Variants in GPC5 observed in about 807,000 individuals in gnomAD.
GPC5 encodes glypican 5, also known as glypican-5.
A neutral mutation model predicts 53.9 loss-of-function variants in GPC5; 47 were observed. The ratio of observed to expected loss-of-function variants is 0.87; its 90% CI spans 0.69 to 1.11. The LOEUF is 1.11. Ranked by LOEUF, GPC5 falls within the 50% of genes most tolerant of loss-of-function variation. The probability of loss-of-function intolerance (pLI) is 0.00; values close to 1 mark genes in which losing one functional copy is unlikely to be tolerated. For synonymous variants in GPC5, 286 were observed against 263.3 expected, an observed-to-expected ratio of 1.09 and a Z score of -0.84; for missense variants, 748 against 713.1, an observed-to-expected ratio of 1.05 and a Z score of -0.56.
chr13:92,076,530 T>C (rs2041253602), intron 6 of GPC5, among the ~76,000 whole-genome samples: 1 of 151,906 alleles, frequency 6.6e-6, no homozygotes, highest in Admixed American at 6.6e-5. Flanking sequence ...TGGTAGCTCA[T>C]TGTTTTGCAA....
Position 91,557,223 on chromosome 13 carries a change from C to A in GPC5, c.325+108301C>A, listed in dbSNP as rs149093124. Among the ~76,000 whole-genome samples, 345 of 152,172 alleles carry A rather than the reference C, an allele frequency of 2.3e-3. 2 individuals carry two copies. Among genetic ancestry groups the A allele is most frequent in the African/African-American group, 7.9e-3 (330 of 41,544 alleles). On this transcript the variant is annotated intron_variant, in intron 2 of 7. Coordinates refer to ENST00000377067, the MANE Select transcript of GPC5 (RefSeq NM_004466.6). ...ATCCTCGCCATCATTTCCTGCTGCT[C>A]CAATTTTTCACTTTGGCTGTTCTGA...
In GPC5 at chr13:92,047,276, T is replaced by G. The variant is rs139224769; in HGVS notation, c.1402-97554T>G. 4.6e-5 allele frequency among the ~76,000 whole-genome samples: 7 copies of G among 152,174 alleles called. No individual in the cohort carries two copies. In the East Asian group the frequency reaches 1.4e-3, roughly 29 times the overall value. On this transcript the variant is annotated intron_variant, in intron 6 of 7. Coordinates refer to ENST00000377067, the MANE Select transcript of GPC5 (RefSeq NM_004466.6). ...GATTGCAAAAACAACATTAATTAAATCATCTTAGATCTGAATTCTCAGTTG... is the reference window on the plus strand; with the variant it reads ...GATTGCAAAAACAACATTAATTAAAGCATCTTAGATCTGAATTCTCAGTTG...
intron 7 of GPC5, chr13:92,241,167 G>A (rs2042609116): frequency 6.6e-6 from 1 of 151,918 alleles, no homozygotes. Context: ...CAGAATTATT[G>A]GTGCAGAATC....
intron 7 of GPC5, among the ~76,000 whole-genome samples, chr13:92,281,768 A>T (rs1051351233): frequency 5.9e-5 from 9 of 152,204 alleles, no homozygotes; most frequent in Non-Finnish European, 1.3e-4. Context: ...AGCAACGACC[A>T]AAGGTAGATA....
At chr13:92,075,430 T>C (rs538782789) in intron 6 of GPC5, among the ~76,000 whole-genome samples, 1 of 152,330 alleles carries the variant, frequency 6.6e-6, no homozygotes, top group East Asian at 1.9e-4. Context: ...CACCATTTCA[T>C]AGATTGTACT....
At chr13:92,383,002 CAAAAAAA>C (rs57654180) in intron 7 of GPC5, among the ~76,000 whole-genome samples, 12 of 94,786 alleles carry the variant, frequency 1.3e-4, no homozygotes, top group Non-Finnish European at 1.7e-4. Context: ...GACTCCGTCT[CAAAAAAA>C]AAAAAAAAAA....
chr13:92,053,925 G>A (rs1446162520), intron 6 of GPC5, among the ~76,000 whole-genome samples: 5 of 151,642 alleles, frequency 3.3e-5, no homozygotes, highest in Non-Finnish European at 7.4e-5. Flanking sequence ...CCAGCTCCTC[G>A]GGAGGCTGAG....
At chr13:91,733,340 C>T (rs1226049514) in intron 4 of GPC5, among the ~76,000 whole-genome samples, 2 of 151,932 alleles carry the variant, frequency 1.3e-5, no homozygotes, top group African/African-American at 2.4e-5. Context: ...TCACCATGTT[C>T]GCCAGGCTGG....
At chr13:92,294,826 CTT>C (rs147963724) in intron 7 of GPC5, among the ~76,000 whole-genome samples, 21,505 of 97,470 alleles carry the variant, frequency 0.22, 1,986 homozygotes, top group African/African-American at 0.36. Flanking sequence ...TTTTTTTTTT[CTT>C]TTTTTTTTTT....
At position 92,167,232 on chromosome 13, in the gene GPC5, T is replaced by C. The variant is rs142388085; in HGVS notation, c.1561+22243T>C. Among the ~76,000 whole-genome samples the C allele has an allele frequency of 9.5e-3, 1,446 of 152,286 alleles. 22 individuals are homozygous for C. Among genetic ancestry groups the C allele is most frequent in the African/African-American group, 0.031 (1,277 of 41,568 alleles). ...GAGTGTTAACAACTCATTGTAATCC[T>C]GTAGGCTATAGCAAGTTATAGTCCA... On this transcript the variant is annotated intron_variant, in intron 7 of 7. Transcript: ENST00000377067.
intron 7 of GPC5, among the ~76,000 whole-genome samples, chr13:92,291,798 A>G (rs2042998365): frequency 6.6e-6 from 1 of 152,120 alleles, no homozygotes; most frequent in Non-Finnish European, 1.5e-5. Context: ...CGAGACCACA[A>G]ACCCACCGGG....
intron 6 of GPC5, among the ~76,000 whole-genome samples, chr13:92,118,962 G>A (rs1057127288): frequency 5.3e-5 from 8 of 152,192 alleles, no homozygotes; most frequent in Admixed American, 3.9e-4. Context: ...ATAATTTAAA[G>A]CAGGTTGAAA....
intron 3 of GPC5, among the ~76,000 whole-genome samples, chr13:91,707,127 T>C (rs2036122613): frequency 6.6e-6 from 1 of 152,066 alleles, no homozygotes; most frequent in Non-Finnish European, 1.5e-5. Flanking sequence ...CACTAATTAA[T>C]ACAATTAGAC....
intron 6 of GPC5, among the ~76,000 whole-genome samples, chr13:92,037,857 G>T (rs539081942): frequency 7.9e-5 from 12 of 152,216 alleles, no homozygotes; most frequent in African/African-American, 2.9e-4. Context: ...AAAAACTTTG[G>T]ATTTTACTCT....
chr13:91,816,722 G>A (rs2038405792), intron 5 of GPC5, among the ~76,000 whole-genome samples: 1 of 152,180 alleles, frequency 6.6e-6, no homozygotes, highest in Non-Finnish European at 1.5e-5. Context: ...CTACAACAGT[G>A]AGAGTATCAA....
intron 7 of GPC5, among the ~76,000 whole-genome samples, chr13:92,288,385 T>C (rs2042970891): frequency 1.3e-5 from 2 of 152,200 alleles, no homozygotes; most frequent in African/African-American, 4.8e-5. Context: ...ATTCAGATTC[T>C]CTCTTTCCTA....
chr13:92,582,073 A>G (rs1053131596), intron 7 of GPC5, among the ~76,000 whole-genome samples: 1 of 151,890 alleles, frequency 6.6e-6, no homozygotes, highest in African/African-American at 2.4e-5. Flanking sequence ...CTCTTTGTCT[A>G]TTTTTGCTTT....
At chr13:92,578,018 T>C (rs1375448084) in intron 7 of GPC5, among the ~76,000 whole-genome samples, 5 of 152,194 alleles carry the variant, frequency 3.3e-5, no homozygotes, top group Admixed American at 2.0e-4. Flanking sequence ...AAGGTTTATT[T>C]GTGAAAATAG....
At chr13:91,675,658 A>C (rs575924728) in intron 2 of GPC5, among the ~76,000 whole-genome samples, 9 of 152,338 alleles carry the variant, frequency 5.9e-5, no homozygotes, top group African/African-American at 2.2e-4. Context: ...TGGATTAAGG[A>C]GACTTCCTGT....
Sources: allele counts gnomAD v4.1 joint callset (sites outside exome capture counted in the v4.1 genomes callset), GRCh38; gene constraint gnomAD v4.1.1; transcripts MANE v1.5; gene names NCBI Gene and HGNC (gene_info 2026-07-23, HGNC 2026-07-21).